BBS9: variants seen among roughly 807,000 people sequenced by gnomAD.
BBS9 encodes protein PTHB1.
In BBS9, 89 loss-of-function variants were observed where a neutral mutation model predicts 117.7. That is an observed-to-expected ratio of 0.76 (90% CI 0.64 to 0.90). BBS9 has a LOEUF of 0.90. Among genes scored for constraint, BBS9 ranks in the 40% least tolerant of loss-of-function variants. The pLI, the probability that BBS9 is intolerant of heterozygous loss-of-function variation, is 0.00. For synonymous variants in BBS9, 379 were observed against 370.9 expected (o/e 1.02, Z -0.25); for missense variants, 982 against 1,042.2 (o/e 0.94, Z 0.80).
intron 21 of BBS9, among the ~76,000 whole-genome samples, chr7:33,545,080 A>T (rs567706839): frequency 5.9e-5 from 9 of 152,252 alleles, no homozygotes; most frequent in African/African-American, 2.2e-4. Context: ...TTCTAGGCAG[A>T]GGGCGAGATG....
chr7:33,381,263 G>A (rs1824974949), intron 17 of BBS9, among the ~76,000 whole-genome samples: 1 of 152,168 alleles, frequency 6.6e-6, no homozygotes, highest in Admixed American at 6.5e-5. Flanking sequence ...CCTGTGGCAA[G>A]GTCAGCCCTA....
rs1554551689 is a variant in BBS9 at position 33,590,459 on chromosome 7, G to GTTTTTTTGTTTTTGTTT, written c.2522-14399_2522-14398insGTTTTTGTTTTTTTTTT. Among the ~76,000 whole-genome samples, 41 of 101,508 alleles carry GTTTTTTTGTTTTTGTTT rather than the reference G, an allele frequency of 4.0e-4. 3 individuals are homozygous for GTTTTTTTGTTTTTGTTT. The highest frequency in any genetic ancestry group is 1.2e-3 in the East Asian group (4 of 3,408). 66.6% of individuals were successfully genotyped at this position (101,508 alleles called of 152,430 possible). On this transcript the variant is annotated intron_variant, in intron 21 of 22. Transcript: ENST00000242067. ...CCACTGTTTGTTTTTTTGTTTTTTT[G>GTTTTTTTGTTTTTGTTT]TTTTTTTTTTTTTTTTTTACCAGAT...
intron 20 of BBS9, among the ~76,000 whole-genome samples, chr7:33,522,590 G>T (rs1257154682): frequency 6.6e-6 from 1 of 152,110 alleles, no homozygotes; most frequent in Non-Finnish European, 1.5e-5. Flanking sequence ...TTTTTGATGG[G>T]GTTGTTTGTT....
In BBS9 at chr7:33,544,112, T is replaced by C. The variant is rs540009932; in HGVS notation, c.2521+9936T>C. On this transcript the variant is annotated intron_variant, in intron 21 of 22. Coordinates refer to ENST00000242067, the MANE Select transcript of BBS9 (RefSeq NM_198428.3). ...ATTTCTCCTTTCACTTCTGGTATCA[T>C]TTTTTGGATTTCCTTGCCTTGGGCT... Among the ~76,000 whole-genome samples the C allele has an allele frequency of 4.6e-5, 7 of 152,314 alleles. No homozygotes were observed. The South Asian group carries it at 1.2e-3, about 27-fold the overall frequency.
At position 33,456,521 on chromosome 7, in the gene BBS9, CTT is replaced by C. The variant is rs1838674244; in HGVS notation, c.2116-48939_2116-48938del. Among the ~76,000 whole-genome samples the C allele has an allele frequency of 3.3e-5, 5 of 152,022 alleles. No individual in the cohort carries two copies. In the South Asian group the frequency reaches 8.4e-4, roughly 25 times the overall value. The stretch of plus-strand genomic sequence containing the variant: ...TTTTAAGTGGTAATTAGAAAACTCT[CTT>C]TTGCTTTGTTCTAGGTGGGTTTTAT... On this transcript the variant is annotated intron_variant, in intron 19 of 22. Coordinates refer to ENST00000242067, the MANE Select transcript of BBS9 (RefSeq NM_198428.3).
At chr7:33,207,532 T>A (rs572795368) in intron 5 of BBS9, among the ~76,000 whole-genome samples, 1 of 151,842 alleles carries the variant, frequency 6.6e-6, no homozygotes, top group East Asian at 1.9e-4. Context: ...TTGTGACATG[T>A]CTTCTTTTTT....
chr7:33,302,512 A>G (rs1806696370), intron 9 of BBS9, among the ~76,000 whole-genome samples: 2 of 152,130 alleles, frequency 1.3e-5, no homozygotes, highest in Non-Finnish European at 2.9e-5. Context: ...TAGGTTTCTC[A>G]GCATTATTTA....
At chr7:33,341,984 A>G (rs1816663861) in intron 11 of BBS9, among the ~76,000 whole-genome samples, 1 of 152,248 alleles carries the variant, frequency 6.6e-6, no homozygotes, top group African/African-American at 2.4e-5. Context: ...GATCACCAAC[A>G]GATGATCAAT....
At chr7:33,355,538 TTAAG>T (rs1290817491) in intron 15 of BBS9, among the ~76,000 whole-genome samples, 1 of 151,958 alleles carries the variant, frequency 6.6e-6, no homozygotes, top group Non-Finnish European at 1.5e-5. Context: ...AATCATTTTA[TTAAG>T]TATGAGTGTC....
intron 17 of BBS9, among the ~76,000 whole-genome samples, chr7:33,381,745 G>A (rs1466548521): frequency 1.3e-5 from 2 of 152,154 alleles, no homozygotes; most frequent in African/African-American, 2.4e-5. Flanking sequence ...GGTGAAGGGA[G>A]GGGTGGTGAA....
rs117580964 is a variant in BBS9 at position 33,601,220 on chromosome 7, C to T, written c.2522-3645C>T. Among the ~76,000 whole-genome samples, 681 of 152,284 alleles carry T rather than the reference C, an allele frequency of 4.5e-3. 3 individuals carry two copies. The highest frequency in any genetic ancestry group is 7.0e-3 in the Non-Finnish European group (479 of 68,024). On this transcript the variant is annotated intron_variant, in intron 21 of 22. Transcript: ENST00000242067. ...CATGGGATTTTAAGTCTCCTGCCCT[C>T]CTCGAGGCGAGACGCTTGCCTGATT...
At chr7:33,576,414 A>G (rs548842073) in intron 21 of BBS9, among the ~76,000 whole-genome samples, 1 of 152,294 alleles carries the variant, frequency 6.6e-6, no homozygotes, top group South Asian at 2.1e-4. Flanking sequence ...AGAGGACATA[A>G]AGAAATGGAA....
chr7:33,604,597 AC>A (rs1373693654), intron 21 of BBS9, among the ~76,000 whole-genome samples: 1 of 152,182 alleles, frequency 6.6e-6, no homozygotes, highest in African/African-American at 2.4e-5. Flanking sequence ...GTCCTTTCTG[AC>A]TTTAAAAAGG....
chr7:33,346,724 C>A (rs1283086230), intron 12 of BBS9, among the ~76,000 whole-genome samples: 1 of 152,164 alleles, frequency 6.6e-6, no homozygotes, highest in Non-Finnish European at 1.5e-5. Context: ...TGCAACTAAA[C>A]CAAATGCAAA....
chr7:33,149,383 CAG>C (rs1562679604), intron 2 of BBS9, among the ~76,000 whole-genome samples: 1 of 152,086 alleles, frequency 6.6e-6, no homozygotes, highest in Non-Finnish European at 1.5e-5. Flanking sequence ...GGTGATCAGA[CAG>C]TGAGAGAAGA....
intron 9 of BBS9, among the ~76,000 whole-genome samples, chr7:33,323,364 A>G (rs2128587996): frequency 6.6e-6 from 1 of 152,168 alleles, no homozygotes; most frequent in East Asian, 1.9e-4. Context: ...ACAGGGTTCT[A>G]CCTTTGTCTT....
intron 5 of BBS9, among the ~76,000 whole-genome samples, chr7:33,182,803 G>A (rs1034016984): frequency 6.6e-6 from 1 of 152,068 alleles, no homozygotes; most frequent in Non-Finnish European, 1.5e-5. Context: ...TCCCTTTAAA[G>A]CATTCAGTTT....
At chr7:33,284,359 AAGTCTTTGTC>A (rs1802485072) in intron 9 of BBS9, among the ~76,000 whole-genome samples, 1 of 152,140 alleles carries the variant, frequency 6.6e-6, no homozygotes, top group African/African-American at 2.4e-5. Context: ...ATTAGAATTC[AAGTCTTTGTC>A]AGTCTTTATT....
chr7:33,468,901 C>A (rs897105256), intron 19 of BBS9, among the ~76,000 whole-genome samples: 6 of 152,082 alleles, frequency 3.9e-5, no homozygotes, highest in African/African-American at 1.4e-4. Flanking sequence ...TTTATCCATT[C>A]ATCCATTGGT....
Sources: gnomAD v4.1 joint callset for allele counts (sites outside exome capture counted in the v4.1 genomes callset) on GRCh38, gnomAD v4.1.1 for gene constraint, MANE v1.5 for transcripts, NCBI Gene and HGNC (gene_info 2026-07-23, HGNC 2026-07-21) for gene names.